The following RNF152 variants were observed in gnomAD, a reference collection of about 807,000 sequenced individuals.
RNF152 encodes E3 ubiquitin-protein ligase RNF152.
Under a neutral mutation model 12.7 loss-of-function variants are expected in RNF152, and 11 were observed. That is an observed-to-expected ratio of 0.86 (90% CI 0.54 to 1.43). RNF152 has a LOEUF of 1.43. RNF152 is among the 40% of genes most tolerant of loss of function. The pLI, the probability that RNF152 is intolerant of heterozygous loss-of-function variation, is 0.00. For missense variants in RNF152, 255 were observed against 274.8 expected, an observed-to-expected ratio of 0.93 and a Z score of 0.51; for synonymous variants, 113 against 120.3, an observed-to-expected ratio of 0.94 and a Z score of 0.40.
At chr18:61,867,413 T>C (rs375108516) in intron 1 of RNF152, among the ~76,000 whole-genome samples, 1 of 151,506 alleles carries the variant, frequency 6.6e-6, no homozygotes, top group Admixed American at 6.6e-5. Flanking sequence ...GACTGCGCCA[T>C]TGCACTCCAG....
At chr18:61,873,330 CCTTT>C (rs1201350418) in intron 1 of RNF152, among the ~76,000 whole-genome samples, 6 of 152,184 alleles carry the variant, frequency 3.9e-5, no homozygotes, top group African/African-American at 1.4e-4. Flanking sequence ...TCTGCAGTCT[CCTTT>C]CTTTTTGTTT....
chr18:61,846,682 A>G (rs1262278582), intron 1 of RNF152, among the ~76,000 whole-genome samples: 2 of 152,374 alleles, frequency 1.3e-5, no homozygotes, highest in African/African-American at 2.4e-5. Context: ...ACCTGGCACC[A>G]GAAAGGTATT....
chr18:61,831,127 A>G (rs999096574), intron 1 of RNF152, among the ~76,000 whole-genome samples: 2 of 152,200 alleles, frequency 1.3e-5, no homozygotes, highest in Admixed American at 1.3e-4. Context: ...ATTAAACCTT[A>G]ACAGCACTCA....
At chr18:61,817,980 C>A (rs564297065) in intron 1 of RNF152, among the ~76,000 whole-genome samples, 2 of 152,300 alleles carry the variant, frequency 1.3e-5, no homozygotes, top group Admixed American at 6.5e-5. Flanking sequence ...TAGAACCCCA[C>A]CAACACCTAG....
intron 1 of RNF152, among the ~76,000 whole-genome samples, chr18:61,833,647 C>A (rs1187432416): frequency 6.6e-6 from 1 of 152,174 alleles, no homozygotes; most frequent in Non-Finnish European, 1.5e-5. Context: ...GTTTGTTTTT[C>A]TTTAGCTGAT....
intron 1 of RNF152, among the ~76,000 whole-genome samples, chr18:61,876,986 CAG>C (rs1237507617): frequency 1.3e-5 from 2 of 152,242 alleles, no homozygotes; most frequent in Non-Finnish European, 2.9e-5. Flanking sequence ...TTCCTGGAGA[CAG>C]GGATTTTGAC....
intron 1 of RNF152, among the ~76,000 whole-genome samples, chr18:61,849,849 G>C (rs1220226240): frequency 6.6e-6 from 1 of 152,130 alleles, no homozygotes; most frequent in Non-Finnish European, 1.5e-5. Flanking sequence ...CTACAGGTTT[G>C]AGCCACCATG....
intron 1 of RNF152, among the ~76,000 whole-genome samples, chr18:61,828,575 C>T (rs575561427): frequency 5.3e-5 from 8 of 152,228 alleles, no homozygotes; most frequent in African/African-American, 1.7e-4. Context: ...CAGGTGTACA[C>T]CATTGCACTG....
intron 1 of RNF152, among the ~76,000 whole-genome samples, chr18:61,886,312 G>A (rs1912695103): frequency 6.6e-6 from 1 of 152,124 alleles, no homozygotes; most frequent in Non-Finnish European, 1.5e-5. Flanking sequence ...AGTCACCAAT[G>A]ATTTGTTTAT....
rs1006282497 is a variant in RNF152, at chr18:61,855,493, C to T, written c.-136+37302G>A. ...CCCCCTTTGGGGCTCTGCAATTCCT[C>T]GCATCTCCAACTTTCTGGGTGCCAC... On this transcript the variant is annotated intron_variant, in intron 1 of 1. Transcript: ENST00000312828. 3.3e-5 allele frequency among the ~76,000 whole-genome samples: 5 copies of T among 152,346 alleles called. 1 individual carries two copies. The highest frequency in any genetic ancestry group is 4.4e-5 in the Non-Finnish European group (3 of 68,026).
At chr18:61,828,426 A>G (rs189657373) in intron 1 of RNF152, among the ~76,000 whole-genome samples, 1 of 151,462 alleles carries the variant, frequency 6.6e-6, no homozygotes, top group African/African-American at 2.4e-5. Flanking sequence ...TACTTTTCCA[A>G]AAAACATTTT....
chr18:61,870,797 G>C (rs1394551050), intron 1 of RNF152, among the ~76,000 whole-genome samples: 1 of 152,152 alleles, frequency 6.6e-6, no homozygotes, highest in Non-Finnish European at 1.5e-5. Context: ...AGGGGAAACA[G>C]CATCCCTGTT....
At chr18:61,859,800 A>C (rs1286881474) in intron 1 of RNF152, among the ~76,000 whole-genome samples, 1 of 152,108 alleles carries the variant, frequency 6.6e-6, no homozygotes, top group Non-Finnish European at 1.5e-5. Flanking sequence ...AATGGCTTGA[A>C]TCCAGGAGGT....
intron 1 of RNF152, among the ~76,000 whole-genome samples, chr18:61,891,856 G>A (rs1213312738): frequency 1.3e-5 from 2 of 152,244 alleles, no homozygotes; most frequent in Non-Finnish European, 2.9e-5. Context: ...CAATGTAAAA[G>A]AGAGTAGACC....
At chr18:61,880,304 G>T (rs1405772766) in intron 1 of RNF152, among the ~76,000 whole-genome samples, 1 of 152,140 alleles carries the variant, frequency 6.6e-6, no homozygotes, top group African/African-American at 2.4e-5. Context: ...GGTCCGCAAA[G>T]AATTCAGATC....
intron 1 of RNF152, among the ~76,000 whole-genome samples, chr18:61,844,090 G>GAAAGAAAGAA (rs1910600351): frequency 3.3e-5 from 3 of 91,816 alleles, no homozygotes; most frequent in African/African-American, 1.1e-4. Context: ...AAGAAAGAAA[G>GAAAGAAAGAA]AAAGAAAGAA....
intron 1 of RNF152, among the ~76,000 whole-genome samples, chr18:61,825,378 C>T (rs1909610861): frequency 6.6e-6 from 1 of 152,174 alleles, no homozygotes; most frequent in African/African-American, 2.4e-5. Flanking sequence ...ACTATCATTG[C>T]CTGTCAGAGC....
intron 1 of RNF152, among the ~76,000 whole-genome samples, chr18:61,852,391 G>A (rs1366484874): frequency 6.6e-6 from 1 of 152,116 alleles, no homozygotes; most frequent in Non-Finnish European, 1.5e-5. Flanking sequence ...ACCAATCTGT[G>A]GTGCTGAACA....
At chr18:61,886,886 A>G (rs985638426) in intron 1 of RNF152, among the ~76,000 whole-genome samples, 2 of 152,254 alleles carry the variant, frequency 1.3e-5, no homozygotes, top group African/African-American at 4.8e-5. Flanking sequence ...GATGGAGGCA[A>G]TTTTGCCAGA....
Sources: gnomAD v4.1 joint callset for allele counts (sites outside exome capture counted in the v4.1 genomes callset) on GRCh38, gnomAD v4.1.1 for gene constraint, MANE v1.5 for transcripts, NCBI Gene and HGNC (gene_info 2026-07-23, HGNC 2026-07-21) for gene names.